Variants in FTO observed in about 807,000 individuals in gnomAD.
FTO encodes alpha-ketoglutarate-dependent dioxygenase FTO.
Under a neutral mutation model 63.9 loss-of-function variants are expected in FTO, and 47 were observed. That is an observed-to-expected ratio of 0.74 (90% CI 0.58 to 0.94). The LOEUF is 0.94. Ranked by LOEUF, FTO falls within the 40% of genes least tolerant of loss-of-function variation. The pLI is 0.00. For synonymous variants in FTO, 207 were observed against 224.4 expected (o/e 0.92, Z 0.69); for missense variants, 562 against 618.1 (o/e 0.91, Z 0.96).
chr16:53,968,268 G>A (rs1453002662), intron 8 of FTO, among the ~76,000 whole-genome samples: 1 of 152,148 alleles, frequency 6.6e-6, no homozygotes, highest in Non-Finnish European at 1.5e-5. Context: ...ATATCAATGT[G>A]TTGCAAAACA....
chr16:53,841,615 T>C (rs939983339), intron 3 of FTO, among the ~76,000 whole-genome samples: 8 of 152,220 alleles, frequency 5.3e-5, no homozygotes, highest in Admixed American at 1.3e-4. Context: ...TGTGAATGAA[T>C]AGTTACAAAG....
At chr16:53,710,938 T>G (rs1305323238) in intron 1 of FTO, among the ~76,000 whole-genome samples, 1 of 152,214 alleles carries the variant, frequency 6.6e-6, no homozygotes, top group East Asian at 1.9e-4. Flanking sequence ...GATTGAATTC[T>G]GCTCCCTCAT....
At chr16:53,770,982 G>A (rs2077320479) in intron 1 of FTO, among the ~76,000 whole-genome samples, 1 of 152,088 alleles carries the variant, frequency 6.6e-6, no homozygotes, top group Non-Finnish European at 1.5e-5. Context: ...ACACTTTGCT[G>A]TTGTCCTGCC....
At chr16:53,857,329 G>A (rs770199229) in intron 4 of FTO, among the ~76,000 whole-genome samples, 1 of 152,050 alleles carries the variant, frequency 6.6e-6, no homozygotes, top group Non-Finnish European at 1.5e-5. Flanking sequence ...AAGAGAGAAC[G>A]TGCAGTATTT....
intron 8 of FTO, among the ~76,000 whole-genome samples, chr16:54,098,556 T>A (rs188526327): frequency 6.6e-6 from 1 of 152,204 alleles, no homozygotes; most frequent in Admixed American, 6.5e-5. Context: ...AGCTGGCCTT[T>A]TATTCTGTAA....
At chr16:54,102,246 G>T (rs148434859) in intron 8 of FTO, among the ~76,000 whole-genome samples, 1 of 152,270 alleles carries the variant, frequency 6.6e-6, no homozygotes, top group Non-Finnish European at 1.5e-5. Flanking sequence ...GGAATGGACA[G>T]AAATTTCATG....
intron 8 of FTO, among the ~76,000 whole-genome samples, chr16:53,974,313 A>C (rs113014601): frequency 0.049 from 7,500 of 152,316 alleles, 218 homozygotes; most frequent in South Asian, 0.13. Context: ...ACATGAATAA[A>C]TAACATAAAA....
At chr16:53,788,943 A>G (rs2077823652) in intron 1 of FTO, among the ~76,000 whole-genome samples, 1 of 152,244 alleles carries the variant, frequency 6.6e-6, no homozygotes, top group South Asian at 2.1e-4. Context: ...AGACTCTAGG[A>G]CATTTATAAA....
chr16:53,758,933 T>C (rs2076983962), intron 1 of FTO, among the ~76,000 whole-genome samples: 1 of 152,140 alleles, frequency 6.6e-6, no homozygotes, highest in Non-Finnish European at 1.5e-5. Context: ...CCTTAGTTAT[T>C]AGAGATTTAT....
At chr16:53,800,544 T>C (rs1210880506) in intron 1 of FTO, among the ~76,000 whole-genome samples, 1 of 152,232 alleles carries the variant, frequency 6.6e-6, no homozygotes, top group Non-Finnish European at 1.5e-5. Flanking sequence ...TGCTTTTGTC[T>C]ACTTGTTCTA....
At chr16:54,079,658 G>T (rs555285572) in intron 8 of FTO, among the ~76,000 whole-genome samples, 1 of 152,136 alleles carries the variant, frequency 6.6e-6, no homozygotes, top group Admixed American at 6.5e-5. Context: ...CCAATAGACC[G>T]AATAGGACCT....
chr16:53,885,250 C>T (rs1258741353), intron 6 of FTO, among the ~76,000 whole-genome samples: 2 of 151,844 alleles, frequency 1.3e-5, no homozygotes, highest in Non-Finnish European at 2.9e-5. Context: ...TTTTTTTTGC[C>T]TTCTTAATTA....
intron 7 of FTO, among the ~76,000 whole-genome samples, chr16:53,918,076 C>A (rs1458976031): frequency 6.6e-6 from 1 of 151,950 alleles, no homozygotes; most frequent in Non-Finnish European, 1.5e-5. Context: ...TAAGAGTGGG[C>A]CGGGTTTGTG....
intron 8 of FTO, among the ~76,000 whole-genome samples, chr16:53,996,224 G>C (rs2143950230): frequency 6.6e-6 from 1 of 152,248 alleles, no homozygotes; most frequent in South Asian, 2.1e-4. Flanking sequence ...TTTGACGGTT[G>C]GTTTTTTGCT....
chr16:53,725,060 G>A (rs1293861309), intron 1 of FTO, among the ~76,000 whole-genome samples: 1 of 152,104 alleles, frequency 6.6e-6, no homozygotes, highest in Non-Finnish European at 1.5e-5. Flanking sequence ...TTTAACTTTT[G>A]TTCTGTATTA....
At chr16:54,065,373 AG>A (rs1484200453) in intron 8 of FTO, among the ~76,000 whole-genome samples, 1 of 151,950 alleles carries the variant, frequency 6.6e-6, no homozygotes, top group African/African-American at 2.4e-5. Context: ...TGTGTTGCCC[AG>A]GCTGGTCTCG....
intron 4 of FTO, among the ~76,000 whole-genome samples, chr16:53,855,538 A>G (rs16952592): frequency 0.05 from 7,631 of 151,978 alleles, 450 homozygotes; most frequent in African/African-American, 0.12. Context: ...ATGAACCAAG[A>G]ACTGGCTTTT....
chr16:54,081,799 G>C (rs1462846904), intron 8 of FTO, among the ~76,000 whole-genome samples: 1 of 152,132 alleles, frequency 6.6e-6, no homozygotes. Context: ...TACAGTGGAA[G>C]CCACTAGAAC....
chr16:53,868,920 C>G (rs1416112216), intron 4 of FTO, among the ~76,000 whole-genome samples: 1 of 152,092 alleles, frequency 6.6e-6, no homozygotes, highest in Non-Finnish European at 1.5e-5. Context: ...CAACCTCCGC[C>G]TCCCGGGTTC....
Sources: allele counts gnomAD v4.1 joint callset (sites outside exome capture counted in the v4.1 genomes callset), GRCh38; gene constraint gnomAD v4.1.1; transcripts MANE v1.5; gene names NCBI Gene and HGNC (gene_info 2026-07-23, HGNC 2026-07-21).